Variants in FGF12 observed in about 807,000 individuals in gnomAD.
The protein encoded by FGF12 is fibroblast growth factor 12, also known as fibroblast growth factor 12B.
In FGF12, 14 loss-of-function variants were observed where a neutral mutation model predicts 23.6. The observed-to-expected ratio is 0.59, with a 90% CI of 0.39 to 0.93. The LOEUF is 0.93. Among genes scored for constraint, FGF12 ranks in the 40% least tolerant of loss-of-function variants. The pLI is 0.00. For synonymous variants in FGF12, 62 were observed against 77.3 expected (o/e 0.80, Z 1.04); for missense variants, 175 against 217.8 (o/e 0.80, Z 1.24).
At chr3:192,178,003 A>C (rs1185477603) in intron 4 of FGF12, among the ~76,000 whole-genome samples, 6 of 151,954 alleles carry the variant, frequency 3.9e-5, no homozygotes, top group African/African-American at 1.4e-4. Context: ...TATTCTCAAC[A>C]GTTCTGGGAA....
intron 2 of FGF12, among the ~76,000 whole-genome samples, chr3:192,554,901 A>T (rs1464728581): frequency 6.6e-6 from 1 of 152,170 alleles, no homozygotes; most frequent in Non-Finnish European, 1.5e-5. Flanking sequence ...TGAAAAATTT[A>T]CTAGAGGGGT....
At chr3:192,254,562 G>A (rs116799622) in intron 4 of FGF12, among the ~76,000 whole-genome samples, 2,858 of 152,116 alleles carry the variant, frequency 0.019, 72 homozygotes, top group African/African-American at 0.054. Flanking sequence ...CAGAGGCTAT[G>A]TAGGAAAATG....
chr3:192,251,843 G>A (rs112669894), intron 4 of FGF12, among the ~76,000 whole-genome samples: 5,644 of 152,122 alleles, frequency 0.037, 348 homozygotes, highest in African/African-American at 0.13. Flanking sequence ...GGAGAGCTTT[G>A]TCTGTGAAGG....
Position 192,398,389 on chromosome 3 carries a change from T to TC in FGF12, c.14-37852_14-37851insG, listed in dbSNP as rs1376945421. On this transcript the variant is annotated intron_variant, in intron 2 of 5. Transcript: ENST00000445105. ...AGGCCCTTATATTTTCTTTTTTCTT[T>TC]TTTTTTTTTTTTCTGAGACAGAGTC... Among the ~76,000 whole-genome samples, 553 of 150,924 alleles carry TC rather than the reference T, an allele frequency of 3.7e-3. 1 individual carries two copies. Among genetic ancestry groups the TC allele is most frequent in the African/African-American group, 0.013 (522 of 41,222 alleles).
chr3:192,310,944 G>A (rs1715899491), intron 4 of FGF12, among the ~76,000 whole-genome samples: 1 of 152,108 alleles, frequency 6.6e-6, no homozygotes, highest in African/African-American at 2.4e-5. Context: ...TCACCAGAGT[G>A]TTAAAATGTT....
rs535733049 is a variant in FGF12 at position 192,567,831 on chromosome 3, T to C, written c.13+159350A>G. ...TCTTTCTTTCTCTCTCTCTCTCTCT[T>C]TTCTTTCTTTCTTTCTTTTTTTCAG... On this transcript the variant is annotated intron_variant, in intron 2 of 5. Coordinates refer to ENST00000445105, the MANE Select transcript of FGF12 (RefSeq NM_004113.6). Among the ~76,000 whole-genome samples the C allele has an allele frequency of 2.7e-5, 4 of 150,374 alleles. No individual in the cohort carries two copies. The East Asian group carries it at 7.8e-4, about 29-fold the overall frequency.
intron 2 of FGF12, among the ~76,000 whole-genome samples, chr3:192,401,650 C>T (rs1381581627): frequency 2.6e-5 from 4 of 152,146 alleles, no homozygotes; most frequent in Non-Finnish European, 4.4e-5. Flanking sequence ...AAATACAAGT[C>T]GCATGATATC....
chr3:192,681,671 T>G (rs1717531677), intron 2 of FGF12, among the ~76,000 whole-genome samples: 1 of 152,230 alleles, frequency 6.6e-6, no homozygotes, highest in South Asian at 2.1e-4. Context: ...TTCTATTTTT[T>G]CCTTTCCCAA....
At chr3:192,253,332 G>GGAA (rs1171225323) in intron 4 of FGF12, among the ~76,000 whole-genome samples, 7 of 151,880 alleles carry the variant, frequency 4.6e-5, no homozygotes, top group African/African-American at 7.3e-5. Context: ...AAGGGAAGGA[G>GGAA]GAAATAAGAT....
intron 4 of FGF12, among the ~76,000 whole-genome samples, chr3:192,302,208 G>T (rs537146653): frequency 6.6e-6 from 1 of 152,214 alleles, no homozygotes; most frequent in East Asian, 1.9e-4. Flanking sequence ...TCTCCTCTGG[G>T]AGCCTTCCTT....
At chr3:192,281,876 G>A (rs768193994) in intron 4 of FGF12, among the ~76,000 whole-genome samples, 4 of 152,086 alleles carry the variant, frequency 2.6e-5, no homozygotes, top group Non-Finnish European at 5.9e-5. Context: ...ATCGTTTCCT[G>A]ATTATACTGC....
At chr3:192,609,666 T>C (rs773983072) in intron 2 of FGF12, among the ~76,000 whole-genome samples, 3 of 152,086 alleles carry the variant, frequency 2.0e-5, no homozygotes, top group Non-Finnish European at 2.9e-5. Context: ...CAAGAACCCG[T>C]AAAATAGTTG....
intron 2 of FGF12, among the ~76,000 whole-genome samples, chr3:192,536,046 T>C (rs550993353): frequency 6.6e-6 from 1 of 152,230 alleles, no homozygotes; most frequent in Non-Finnish European, 1.5e-5. Context: ...ACTTACATTT[T>C]TAAAAATTCT....
intron 2 of FGF12, among the ~76,000 whole-genome samples, chr3:192,693,095 G>C (rs1415440161): frequency 2.0e-5 from 3 of 151,842 alleles, no homozygotes; most frequent in African/African-American, 7.3e-5. Flanking sequence ...TAGTAAAGTT[G>C]CAGGATTAAA....
chr3:192,590,298 T>C (rs547584880), intron 2 of FGF12, among the ~76,000 whole-genome samples: 3 of 152,046 alleles, frequency 2.0e-5, no homozygotes, highest in African/African-American at 7.2e-5. Context: ...TGAAAAAAAT[T>C]TGTAAAGCCT....
intron 4 of FGF12, among the ~76,000 whole-genome samples, chr3:192,255,757 A>C (rs2108611952): frequency 6.6e-6 from 1 of 152,240 alleles, no homozygotes; most frequent in Non-Finnish European, 1.5e-5. Flanking sequence ...TTAACATGAA[A>C]GAAATATGTT....
chr3:192,353,533 C>CTAAT (rs1718324899), intron 3 of FGF12, among the ~76,000 whole-genome samples: 2 of 152,040 alleles, frequency 1.3e-5, no homozygotes, highest in Non-Finnish European at 2.9e-5. Flanking sequence ...CCACACCCGC[C>CTAAT]TAATTTTTTA....
At chr3:192,169,107 G>A (rs1481561421) in intron 5 of FGF12, among the ~76,000 whole-genome samples, 2 of 152,126 alleles carry the variant, frequency 1.3e-5, no homozygotes, top group Non-Finnish European at 1.5e-5. Context: ...TTGGGAGGCC[G>A]AGGTGGGCAG....
At chr3:192,601,001 T>C (rs1714092306) in intron 2 of FGF12, among the ~76,000 whole-genome samples, 1 of 152,106 alleles carries the variant, frequency 6.6e-6, no homozygotes, top group South Asian at 2.1e-4. Context: ...CTGCACCCCA[T>C]GTTTATGGCA....
Sources: gnomAD v4.1 joint callset for allele counts (sites outside exome capture counted in the v4.1 genomes callset) on GRCh38, gnomAD v4.1.1 for gene constraint, MANE v1.5 for transcripts, NCBI Gene and HGNC (gene_info 2026-07-23, HGNC 2026-07-21) for gene names.